The following CDK15 variants were observed in gnomAD, a reference collection of about 807,000 sequenced individuals.
CDK15 encodes cyclin dependent kinase 15.
Under a neutral mutation model 60.3 loss-of-function variants are expected in CDK15, and 62 were observed. The ratio of observed to expected loss-of-function variants is 1.03; its 90% CI spans 0.84 to 1.27. The LOEUF is 1.27. Among genes scored for constraint, CDK15 ranks in the 50% most tolerant of loss-of-function variants. CDK15 has a pLI of 0.00. For synonymous variants in CDK15, 194 were observed against 195.7 expected (o/e 0.99, Z 0.07); for missense variants, 541 against 527.8 (o/e 1.03, Z -0.25).
intron 11 of CDK15, chr2:201,876,532 G>A: frequency 7.9e-7 from 1 of 1,267,380 alleles, no homozygotes. Context: ...AGGAGGAAGA[G>A]ACTTCACTTG....
At chr2:201,818,199 C>A (rs2106162748) in intron 4 of CDK15, among the ~76,000 whole-genome samples, 1 of 152,302 alleles carries the variant, frequency 6.6e-6, no homozygotes, top group African/African-American at 2.4e-5. Context: ...CAAGTTCAAT[C>A]CATGCCCTCA....
rs772170627 is a variant in CDK15, at chr2:201,835,736, C to G, written c.824C>G (p.Thr275Ser). The G allele has an allele frequency of 6.2e-6, 10 of 1,609,598 alleles. No homozygotes were observed. The highest frequency in any genetic ancestry group is 1.3e-5 in the African/African-American group (1 of 74,668). ...YRPPDALLGA[T>S]EYSSELDIWG... is the part of the protein sequence containing the mutation. The stretch of plus-strand genomic sequence containing the variant: ...CCCCCTGATGCTTTGCTGGGAGCCA[C>G]TGAATATTCCTCTGAGCTGGACATA... Residue 275 changes from threonine (T) to serine (S), a missense_variant, in exon 8 of 14, where the codon ACT becomes AGT. By Grantham distance (58) the Thr-to-Ser change is moderately conservative (BLOSUM62 1). Coordinates refer to ENST00000652192, the MANE Select transcript of CDK15 (RefSeq NM_001366386.2).
chr2:201,812,161 G>A lies in CDK15; in HGVS notation c.369-322G>A, dbSNP rs560573011. On this transcript the variant is annotated intron_variant, in intron 3 of 13. Coordinates refer to ENST00000652192, the MANE Select transcript of CDK15 (RefSeq NM_001366386.2). Reference sequence around the variant, plus strand: ...TGTACTCCAGCCTGGGCAACAGAGCGAGATTCTGTCTCAAAAAAAAAAAAA... The same window carrying A: ...TGTACTCCAGCCTGGGCAACAGAGCAAGATTCTGTCTCAAAAAAAAAAAAA... 1.0e-4 allele frequency among the ~76,000 whole-genome samples: 13 copies of A among 129,062 alleles called. No individual in the cohort carries two copies. In the South Asian group the frequency reaches 1.3e-3, roughly 12 times the overall value. The allele number at this position is 129,062 out of a possible 152,430, so 84.7% of individuals were successfully genotyped here.
At chr2:201,816,601 A>C (rs1696009621) in intron 4 of CDK15, among the ~76,000 whole-genome samples, 1 of 151,960 alleles carries the variant, frequency 6.6e-6, no homozygotes, top group South Asian at 2.1e-4. Context: ...CGAACATAAA[A>C]GTCTAGGTGT....
intron 4 of CDK15, among the ~76,000 whole-genome samples, chr2:201,814,593 G>A (rs557878810): frequency 1.3e-5 from 2 of 152,114 alleles, no homozygotes; most frequent in Non-Finnish European, 2.9e-5. Flanking sequence ...GGAGACAGGA[G>A]GTTAAATGAG....
At chr2:201,861,280 C>T in intron 10 of CDK15, 1 of 994,922 alleles carries the variant, frequency 1.0e-6, no homozygotes, top group Non-Finnish European at 1.2e-6. Flanking sequence ...CTATTACTGC[C>T]TGCCAAGATC....
At chr2:201,816,356 A>G (rs530530176) in intron 4 of CDK15, among the ~76,000 whole-genome samples, 1 of 150,588 alleles carries the variant, frequency 6.6e-6, no homozygotes, top group East Asian at 2.0e-4. Context: ...ATTAGCTTTC[A>G]CTTGTAAGTG....
chr2:201,850,965 A>G (rs1697881605), intron 9 of CDK15, among the ~76,000 whole-genome samples: 1 of 152,184 alleles, frequency 6.6e-6, no homozygotes, highest in South Asian at 2.1e-4. Flanking sequence ...TCCTGCTACC[A>G]TAACAAAATC....
intron 10 of CDK15, among the ~76,000 whole-genome samples, chr2:201,865,864 T>TCAAAACTGCTGTCCCA: frequency 8.5e-6 from 1 of 117,224 alleles, no homozygotes; most frequent in Non-Finnish European, 1.6e-5. Context: ...CACTCCAGCC[T>TCAAAACTGCTGTCCCA]GGGCGACAGA....
chr2:201,848,066 G>A (rs1574897361), intron 9 of CDK15, among the ~76,000 whole-genome samples: 2 of 152,240 alleles, frequency 1.3e-5, no homozygotes, highest in East Asian at 1.9e-4. Context: ...AGTCGAGGCT[G>A]CTGTTAGCTG....
chr2:201,808,955 ATC>A (rs1695634615), intron 3 of CDK15, among the ~76,000 whole-genome samples: 1 of 151,438 alleles, frequency 6.6e-6, no homozygotes, highest in Non-Finnish European at 1.5e-5. Flanking sequence ...TTGGAATGGA[ATC>A]TCTGTCACCC....
At chr2:201,846,845 C>T (rs1264348854) in intron 8 of CDK15, among the ~76,000 whole-genome samples, 8 of 152,158 alleles carry the variant, frequency 5.3e-5, no homozygotes, top group Non-Finnish European at 8.8e-5. Flanking sequence ...TTAGGAATAC[C>T]GAAACCAATT....
chr2:201,852,971 A>C (rs1434002446), intron 9 of CDK15, among the ~76,000 whole-genome samples: 1 of 152,228 alleles, frequency 6.6e-6, no homozygotes, highest in Non-Finnish European at 1.5e-5. Flanking sequence ...AAAACATGAT[A>C]GTGGTTGTCA....
chr2:201,882,037 A>G lies in CDK15; in HGVS notation c.1198+1870A>G, dbSNP rs1440409019. 2.0e-5 allele frequency among the ~76,000 whole-genome samples: 3 copies of G among 152,184 alleles called. No homozygotes were observed. The highest frequency in any genetic ancestry group is 4.4e-5 in the Non-Finnish European group (3 of 68,038). ...CTAGGCTCCAGCTTTTGCTTGACGC[A>G]AGATGATTAGGAAGAAACAATCACT... On this transcript the variant is annotated intron_variant, in intron 12 of 13. Coordinates refer to ENST00000652192, the MANE Select transcript of CDK15 (RefSeq NM_001366386.2). This position sits in a 1 kb window ranked among gnomAD's most constrained non-coding sequence, Gnocchi z 4.0.
intron 6 of CDK15, among the ~76,000 whole-genome samples, chr2:201,826,954 G>A (rs1010680000): frequency 6.6e-6 from 1 of 152,174 alleles, no homozygotes; most frequent in African/African-American, 2.4e-5. Flanking sequence ...GATCTGAGAG[G>A]ACAAACATTT....
At chr2:201,846,490 C>CAAA (rs72164831) in intron 8 of CDK15, among the ~76,000 whole-genome samples, 4 of 126,566 alleles carry the variant, frequency 3.2e-5, no homozygotes, top group Admixed American at 8.1e-5. Flanking sequence ...AAGATTCCAC[C>CAAA]AAAAAAAAAA....
At chr2:201,863,630 T>A (rs1574917038) in intron 10 of CDK15, among the ~76,000 whole-genome samples, 1 of 152,080 alleles carries the variant, frequency 6.6e-6, no homozygotes. Context: ...GGCGGGCGGA[T>A]CACTTCTGTA....
intron 3 of CDK15, among the ~76,000 whole-genome samples, chr2:201,810,755 T>G (rs889496642): frequency 2.6e-5 from 4 of 151,136 alleles, no homozygotes; most frequent in African/African-American, 9.7e-5. Flanking sequence ...AACTTTAGAG[T>G]AGAGAAACCT....
rs1393834140 is a variant in CDK15 at position 201,893,472 on chromosome 2, A to G, written c.*205A>G. 1 of 152,216 alleles carries G rather than the reference A, an allele frequency of 6.6e-6. No homozygotes were observed. Among genetic ancestry groups the G allele is most frequent in the Non-Finnish European group, 1.5e-5 (1 of 68,028 alleles). 9.4% of individuals were successfully genotyped at this position (152,216 alleles called of 1,614,324 possible). A position where few individuals can be genotyped will look rare whatever the true frequency, so the allele number is the denominator to read the frequency against. ...GTGGAAGAAAATTCAGTGGAAGGTT[A>G]TTGCTATTGTCATTTGCATAGAATT... On this transcript the variant is annotated 3_prime_UTR_variant, in exon 14 of 14. Transcript: ENST00000652192.
Sources: gnomAD v4.1 joint callset for allele counts (sites outside exome capture counted in the v4.1 genomes callset) on GRCh38, gnomAD v4.1.1 for gene constraint, Gnocchi (gnomAD v3.1) non-coding constraint, MANE v1.5 for transcripts, NCBI Gene and HGNC (gene_info 2026-07-23, HGNC 2026-07-21) for gene names.